FBXL7: variants seen among roughly 807,000 people sequenced by gnomAD.
FBXL7 encodes F-box/LRR-repeat protein 7.
Under a neutral mutation model 38.3 loss-of-function variants are expected in FBXL7, and 12 were observed. The ratio of observed to expected loss-of-function variants is 0.31; its 90% CI spans 0.20 to 0.51. The LOEUF (loss-of-function observed/expected upper bound fraction) is 0.51, where lower values mean the gene tolerates loss of function less well. Among genes scored for constraint, FBXL7 ranks in the 20% least tolerant of loss-of-function variants. The pLI is 0.98. For missense variants in FBXL7, 567 were observed against 676.4 expected, an observed-to-expected ratio of 0.84 and a Z score of 1.79; for synonymous variants, 297 against 300.9, an observed-to-expected ratio of 0.99 and a Z score of 0.13.
At chr5:15,920,866 A>G (rs1741721870) in intron 2 of FBXL7, among the ~76,000 whole-genome samples, 1 of 152,082 alleles carries the variant, frequency 6.6e-6, no homozygotes, top group Non-Finnish European at 1.5e-5. Flanking sequence ...GCTTTCTGAT[A>G]TCATTGGGAG....
In FBXL7 at chr5:15,798,999, A is replaced by T. The variant is rs189422494; in HGVS notation, c.128-128891A>T. On this transcript the variant is annotated intron_variant, in intron 2 of 3. Transcript: ENST00000504595. Reference sequence around the variant, plus strand: ...GACACAGCCCCCTTTGCAGGAGTTGATTGCAAATAATCACACATTTTTCTA... The same window carrying T: ...GACACAGCCCCCTTTGCAGGAGTTGTTTGCAAATAATCACACATTTTTCTA... Among the ~76,000 whole-genome samples the T allele has an allele frequency of 2.0e-5, 3 of 152,342 alleles. No homozygotes were observed. In the East Asian group the frequency reaches 5.8e-4, roughly 29 times the overall value.
chr5:15,636,634 T>C (rs1051537050), intron 2 of FBXL7, among the ~76,000 whole-genome samples: 4 of 152,072 alleles, frequency 2.6e-5, no homozygotes, highest in Non-Finnish European at 5.9e-5. Context: ...ACCTGAATCA[T>C]ATCATTTTAT....
At chr5:15,557,761 CT>C (rs1738291420) in intron 1 of FBXL7, among the ~76,000 whole-genome samples, 2 of 152,142 alleles carry the variant, frequency 1.3e-5, no homozygotes, top group South Asian at 4.1e-4. Flanking sequence ...CCAGGGACCC[CT>C]GAGGGGTGAG....
chr5:15,502,331 AGT>A (rs1561007333), intron 1 of FBXL7, among the ~76,000 whole-genome samples: 2 of 142,436 alleles, frequency 1.4e-5, no homozygotes. Context: ...CGTATTGTGC[AGT>A]GTGTGGTATA....
At chr5:15,649,960 C>T (rs982612387) in intron 2 of FBXL7, among the ~76,000 whole-genome samples, 4 of 152,142 alleles carry the variant, frequency 2.6e-5, no homozygotes, top group African/African-American at 4.8e-5. Flanking sequence ...AAGCAGTGCT[C>T]GTATTGATAG....
chr5:15,801,294 A>G (rs935275369), intron 2 of FBXL7, among the ~76,000 whole-genome samples: 3 of 152,228 alleles, frequency 2.0e-5, no homozygotes, highest in Non-Finnish European at 2.9e-5. Flanking sequence ...GGGCATTGCC[A>G]CTTAGTAGGA....
intron 2 of FBXL7, among the ~76,000 whole-genome samples, chr5:15,866,246 C>T (rs1334744938): frequency 6.6e-6 from 1 of 152,148 alleles, no homozygotes; most frequent in Non-Finnish European, 1.5e-5. Context: ...CATGTAGACA[C>T]AGGAATGAGC....
intron 2 of FBXL7, among the ~76,000 whole-genome samples, chr5:15,702,492 C>A (rs977951222): frequency 6.6e-6 from 1 of 152,154 alleles, no homozygotes; most frequent in Non-Finnish European, 1.5e-5. Context: ...CTCTCTGGAT[C>A]TGTTAAGTGG....
intron 2 of FBXL7, among the ~76,000 whole-genome samples, chr5:15,754,788 G>T (rs1736247878): frequency 1.3e-5 from 2 of 152,130 alleles, no homozygotes; most frequent in Non-Finnish European, 2.9e-5. Context: ...TTGTTGTCTA[G>T]ACTCTACTAG....
At chr5:15,884,557 T>C (rs1170404080) in intron 2 of FBXL7, among the ~76,000 whole-genome samples, 1 of 152,152 alleles carries the variant, frequency 6.6e-6, no homozygotes, top group African/African-American at 2.4e-5. Flanking sequence ...ATAGCCACAC[T>C]GGGAATTACA....
chr5:15,577,334 G>T, intron 1 of FBXL7, among the ~76,000 whole-genome samples: 1 of 152,090 alleles, frequency 6.6e-6, no homozygotes, highest in East Asian at 1.9e-4. Context: ...GGGGCAGGGG[G>T]GCATTTATTT....
At chr5:15,592,708 AG>A (rs1319310894) in intron 1 of FBXL7, among the ~76,000 whole-genome samples, 1 of 152,070 alleles carries the variant, frequency 6.6e-6, no homozygotes, top group African/African-American at 2.4e-5. Flanking sequence ...CCGGACCTTT[AG>A]TTTTTGGAGT....
At chr5:15,707,960 C>G (rs1472678058) in intron 2 of FBXL7, among the ~76,000 whole-genome samples, 1 of 152,204 alleles carries the variant, frequency 6.6e-6, no homozygotes, top group Non-Finnish European at 1.5e-5. Context: ...CCTTTATTTT[C>G]TATCCCATCT....
At chr5:15,887,462 A>T (rs548035888) in intron 2 of FBXL7, among the ~76,000 whole-genome samples, 2 of 152,358 alleles carry the variant, frequency 1.3e-5, no homozygotes, top group South Asian at 4.1e-4. Context: ...CAGTGTTTGC[A>T]CATACATAGG....
chr5:15,869,802 T>C (rs1005116250), intron 2 of FBXL7, among the ~76,000 whole-genome samples: 2 of 152,080 alleles, frequency 1.3e-5, no homozygotes. Context: ...CAATACTGTT[T>C]TGGGGAATCA....
chr5:15,580,707 C>A (rs962606689), intron 1 of FBXL7: 2 of 985,246 alleles, frequency 2.0e-6, no homozygotes, highest in Non-Finnish European at 2.4e-6. Context: ...GGTGCCAGAA[C>A]AGGAAGGGAG....
chr5:15,589,662 A>T (rs1334758066), intron 1 of FBXL7, among the ~76,000 whole-genome samples: 1 of 152,220 alleles, frequency 6.6e-6, no homozygotes, highest in African/African-American at 2.4e-5. Context: ...CTATTCTTCA[A>T]ATCAGAAGAA....
At position 15,671,210 on chromosome 5, in the gene FBXL7, T is replaced by C. The variant is rs758944443; in HGVS notation, c.127+55138T>C. ...CTATAGTTCTGTACTCTATATTTTG[T>C]CTGCTTTTTTTACAAGGTCGTGTAG... On this transcript the variant is annotated intron_variant, in intron 2 of 3. Coordinates refer to ENST00000504595, the MANE Select transcript of FBXL7 (RefSeq NM_012304.5). Among the ~76,000 whole-genome samples the C allele has an allele frequency of 4.0e-4, 61 of 152,212 alleles. 1 individual carries two copies. The highest frequency in any genetic ancestry group is 2.0e-4 in the Admixed American group (3 of 15,282).
chr5:15,702,597 A>C (rs1334868726), intron 2 of FBXL7, among the ~76,000 whole-genome samples: 1 of 152,164 alleles, frequency 6.6e-6, no homozygotes, highest in Non-Finnish European at 1.5e-5. Context: ...CATTGTTATC[A>C]TCATCTCCTT....
Sources: gnomAD v4.1 joint callset for allele counts (sites outside exome capture counted in the v4.1 genomes callset) on GRCh38, gnomAD v4.1.1 for gene constraint, MANE v1.5 for transcripts, NCBI Gene and HGNC (gene_info 2026-07-23, HGNC 2026-07-21) for gene names.